The following MAP3K13 variants were observed in gnomAD, a reference collection of about 807,000 sequenced individuals.
MAP3K13 encodes mitogen-activated protein kinase kinase kinase 13.
In MAP3K13, 52 loss-of-function variants were observed where a neutral mutation model predicts 104.0. The observed-to-expected ratio is 0.50, with a 90% CI of 0.40 to 0.63. The LOEUF (loss-of-function observed/expected upper bound fraction) is 0.63. MAP3K13 is among the 20% of genes least tolerant of loss of function. The probability of loss-of-function intolerance (pLI) is 0.00; values close to 1 mark genes in which losing one functional copy is unlikely to be tolerated. For missense variants in MAP3K13, 914 were observed against 1,218.5 expected, an observed-to-expected ratio of 0.75 and a Z score of 3.72; for synonymous variants, 394 against 442.2, an observed-to-expected ratio of 0.89 and a Z score of 1.37.
rs555956969 is a variant in MAP3K13 at position 185,487,847 on chromosome 3, C to T, written c.*5391C>T. 5.3e-5 allele frequency: 8 copies of T among 152,336 alleles called. No homozygotes were observed. In the South Asian group the frequency reaches 1.7e-3, roughly 32 times the overall value. 9.4% of individuals were successfully genotyped at this position (152,336 alleles called of 1,614,324 possible). A position where few individuals can be genotyped will look rare whatever the true frequency, so the allele number is the denominator to read the frequency against. On this transcript the variant is annotated 3_prime_UTR_variant, in exon 14 of 14. Coordinates refer to ENST00000265026, the MANE Select transcript of MAP3K13 (RefSeq NM_004721.5). Reference sequence around the variant, plus strand: ...ACAGCCTCAGAACCTCTCAACATAGCACTTGGAGCAACAATTGCCGCTTGA... The same window carrying T: ...ACAGCCTCAGAACCTCTCAACATAGTACTTGGAGCAACAATTGCCGCTTGA...
At chr3:185,455,823 T>G (rs1293484868) in intron 7 of MAP3K13, among the ~76,000 whole-genome samples, 1 of 115,042 alleles carries the variant, frequency 8.7e-6, no homozygotes, top group East Asian at 2.5e-4. Flanking sequence ...ATATATGAGA[T>G]ATATATGAGA....
rs1333200811 is a variant in MAP3K13 at position 185,365,929 on chromosome 3, T to TTCCC, written c.-86+2583_-86+2586dup. 6.2e-3 allele frequency among the ~76,000 whole-genome samples: 129 copies of TTCCC among 20,712 alleles called. 4 individuals carry two copies. The highest frequency in any genetic ancestry group is 0.012 in the South Asian group (4 of 340). The allele number at this position is 20,712 out of a possible 152,430, so 13.6% of individuals were successfully genotyped here. On this transcript the variant is annotated intron_variant, in intron 1 of 13. Coordinates refer to ENST00000265026, the MANE Select transcript of MAP3K13 (RefSeq NM_004721.5). ...CCCCTCTCTTCCCCTCCCCTTTCCC[T>TTCCC]TCCCTCCCTCCCTCCCTCCCTCCCT...
intron 7 of MAP3K13, among the ~76,000 whole-genome samples, chr3:185,451,823 T>C (rs1715903970): frequency 6.9e-6 from 1 of 145,802 alleles, no homozygotes; most frequent in African/African-American, 2.6e-5. Flanking sequence ...GCCGAGATCA[T>C]GCCATTGTAC....
chr3:185,293,645 G>A (rs1338857549), intron 2 of MAP3K13, among the ~76,000 whole-genome samples: 2 of 152,104 alleles, frequency 1.3e-5, no homozygotes, highest in African/African-American at 2.4e-5. Flanking sequence ...GGCTGGTCTT[G>A]AACTCCTGAG....
intron 2 of MAP3K13, chr3:185,329,306 C>A: frequency 2.9e-6 from 2 of 698,402 alleles, no homozygotes; most frequent in South Asian, 3.0e-5. Context: ...GATTTATCCT[C>A]ATGTTCTTTC....
At chr3:185,359,652 T>A (rs550364920), upstream of MAP3K13, among the ~76,000 whole-genome samples, 201 of 152,312 alleles carry the variant, frequency 1.3e-3, 1 homozygote, top group African/African-American at 4.1e-3. Context: ...TAGGCTATTA[T>A]AATCCCCATT....
At chr3:185,284,807 C>T (rs1720450684) in intron 1 of MAP3K13, among the ~76,000 whole-genome samples, 1 of 151,340 alleles carries the variant, frequency 6.6e-6, no homozygotes, top group East Asian at 1.9e-4. Context: ...GGGCAGGGAC[C>T]TAAAAAACAA....
At chr3:185,446,983 T>C (rs1715624400) in intron 4 of MAP3K13, among the ~76,000 whole-genome samples, 1 of 152,198 alleles carries the variant, frequency 6.6e-6, no homozygotes, top group African/African-American at 2.4e-5. Context: ...GTGCACTACC[T>C]TAGACATCCA....
At chr3:185,441,404 G>A (rs995549610) in intron 3 of MAP3K13, among the ~76,000 whole-genome samples, 3 of 152,064 alleles carry the variant, frequency 2.0e-5, no homozygotes, top group Admixed American at 6.6e-5. Flanking sequence ...TAGGCGTTGA[G>A]GTAGAGAGAA....
intron 7 of MAP3K13, among the ~76,000 whole-genome samples, chr3:185,462,501 G>C (rs1389936826): frequency 6.6e-6 from 1 of 152,178 alleles, no homozygotes; most frequent in Non-Finnish European, 1.5e-5. Context: ...GGCCGGGTGC[G>C]GTGGCTCATG....
In MAP3K13 at chr3:185,487,906, A is replaced by G. The variant is rs753170995; in HGVS notation, c.*5450A>G. 4.6e-5 allele frequency: 7 copies of G among 152,340 alleles called. No homozygotes were observed. Among genetic ancestry groups the G allele is most frequent in the Admixed American group, 2.6e-4 (4 of 15,304 alleles). 9.4% of individuals were successfully genotyped at this position (152,340 alleles called of 1,614,324 possible). A position where few individuals can be genotyped will look rare whatever the true frequency, so the allele number is the denominator to read the frequency against. ...GCCATTTGAGCTTGAGTTAGCCCCA[A>G]TGGCAGAACGACAGGCTCGCACTAG... is the stretch of plus-strand genomic sequence containing the variant. On this transcript the variant is annotated 3_prime_UTR_variant, in exon 14 of 14. Coordinates refer to ENST00000265026, the MANE Select transcript of MAP3K13 (RefSeq NM_004721.5).
Position 185,428,609 on chromosome 3 carries a change from T to C in MAP3K13, c.28T>C (p.Cys10Arg). 1.2e-6 allele frequency: 2 copies of C among 1,605,408 alleles called. No homozygotes were observed. The highest frequency in any genetic ancestry group is 1.7e-6 in the Non-Finnish European group (2 of 1,174,174). ...GGCCAACTTTCAGGAGCACCTGAGC[T>C]GCTCCTCTTCTCCACACTTACCCTT... MANFQEHLS[C>R]SSSPHLPFSE... Residue 10 changes from cysteine to arginine, a missense_variant, in exon 2 of 14, where the codon TGC becomes CGC. Cys to Arg is a radical substitution (Grantham distance 180). This residue lies in a region of MAP3K13 where 156 missense variants were observed against 159.8 expected (regional missense o/e 0.98). Transcript: ENST00000265026.
At chr3:185,480,150 C>T in intron 12 of MAP3K13, 82 bp from the exon 13 acceptor site, 1 of 1,344,282 alleles carries the variant, frequency 7.4e-7, no homozygotes, top group Non-Finnish European at 1.0e-6. Flanking sequence ...TAGATTATCT[C>T]TACCACTACT....
At chr3:185,311,579 T>C (rs1356292644) in intron 2 of MAP3K13, among the ~76,000 whole-genome samples, 1 of 152,164 alleles carries the variant, frequency 6.6e-6, no homozygotes, top group East Asian at 1.9e-4. Flanking sequence ...TTTACTTATT[T>C]TCTTGGCAGC....
intron 4 of MAP3K13, 68 bp downstream of exon 4, chr3:185,443,704 C>A: frequency 1.5e-6 from 2 of 1,359,568 alleles, no homozygotes; most frequent in South Asian, 2.5e-5. Flanking sequence ...TTTTATCAAC[C>A]TCAGTTGACG....
intron 1 of MAP3K13, among the ~76,000 whole-genome samples, chr3:185,393,552 G>A (rs1712199288): frequency 2.0e-5 from 3 of 150,814 alleles, no homozygotes; most frequent in South Asian, 2.1e-4. Context: ...TCTACCTCCC[G>A]GGTTCACGCC....
chr3:185,329,205 T>C (rs1560050049), intron 2 of MAP3K13: 5 of 703,080 alleles, frequency 7.1e-6, no homozygotes, highest in Non-Finnish European at 1.3e-5. Context: ...AAATGATTTC[T>C]AATGTCTTAT....
chr3:185,387,890 A>T (rs1448944769), intron 1 of MAP3K13, among the ~76,000 whole-genome samples: 1 of 152,204 alleles, frequency 6.6e-6, no homozygotes, highest in Non-Finnish European at 1.5e-5. Flanking sequence ...CTTTGCAGAT[A>T]ACATGCTCTT....
At chr3:185,462,634 G>A (rs1367518575) in intron 7 of MAP3K13, among the ~76,000 whole-genome samples, 1 of 152,152 alleles carries the variant, frequency 6.6e-6, no homozygotes, top group Admixed American at 6.5e-5. Context: ...TTAGCCGGGT[G>A]TGGTGGCACG....
Sources: gnomAD v4.1 joint callset for allele counts (sites outside exome capture counted in the v4.1 genomes callset) on GRCh38, gnomAD v4.1.1 for gene constraint, gnomAD v4.1.1 regional missense constraint, MANE v1.5 for transcripts, NCBI Gene and HGNC (gene_info 2026-07-23, HGNC 2026-07-21) for gene names.